RARB: variants seen among roughly 807,000 people sequenced by gnomAD.
RARB encodes retinoic acid receptor beta.
In RARB, 17 loss-of-function variants were observed where a neutral mutation model predicts 51.9. That is an observed-to-expected ratio of 0.33 (90% CI 0.22 to 0.49). RARB has a LOEUF of 0.49. Among genes scored for constraint, RARB ranks in the 20% least tolerant of loss-of-function variants. The probability of loss-of-function intolerance (pLI) is 0.99; values close to 1 mark genes in which losing one functional copy is unlikely to be tolerated. For missense variants in RARB, 369 were observed against 550.8 expected (o/e 0.67, Z 3.30); for synonymous variants, 215 against 195.4 (o/e 1.10, Z -0.84).
At chr3:25,187,335 G>A (rs1701002212) in intron 5 of RARB, among the ~76,000 whole-genome samples, 1 of 152,038 alleles carries the variant, frequency 6.6e-6, no homozygotes, top group South Asian at 2.1e-4. Flanking sequence ...CTAACCTCAA[G>A]ATAACAGGTA....
At chr3:25,073,030 C>T (rs1006271795) in intron 3 of RARB, among the ~76,000 whole-genome samples, 1 of 151,940 alleles carries the variant, frequency 6.6e-6, no homozygotes, top group East Asian at 1.9e-4. Flanking sequence ...CCTTTTTTTC[C>T]TGCCATTTGA....
chr3:25,506,276 A>AC (rs145674745), intron 3 of RARB, among the ~76,000 whole-genome samples: 2,715 of 127,698 alleles, frequency 0.021, 76 homozygotes, highest in East Asian at 0.041. Flanking sequence ...AAAAAAAAAA[A>AC]CCAGCTCTTT....
chr3:24,908,905 G>A (rs980896253), intron 2 of RARB, among the ~76,000 whole-genome samples: 3 of 151,938 alleles, frequency 2.0e-5, no homozygotes, highest in Middle Eastern at 3.4e-3. Flanking sequence ...ACATCCTTCA[G>A]CTATCCATAT....
At chr3:24,980,596 C>T (rs1696638045) in intron 2 of RARB, among the ~76,000 whole-genome samples, 1 of 152,144 alleles carries the variant, frequency 6.6e-6, no homozygotes, top group Admixed American at 6.5e-5. Context: ...AGTTCTCATA[C>T]TGTGGTTTTC....
chr3:24,856,079 AG>A (rs1702630361), intron 1 of RARB, among the ~76,000 whole-genome samples: 1 of 152,074 alleles, frequency 6.6e-6, no homozygotes, highest in African/African-American at 2.4e-5. Flanking sequence ...AAGTTTTCCT[AG>A]GTGACTCTTG....
intron 2 of RARB, among the ~76,000 whole-genome samples, chr3:25,475,370 C>T (rs1471430672): frequency 2.0e-5 from 3 of 150,984 alleles, no homozygotes; most frequent in African/African-American, 7.3e-5. Context: ...TGTATTATAT[C>T]GGGGTGGATA....
intron 5 of RARB, among the ~76,000 whole-genome samples, chr3:25,349,749 T>G (rs73156038): frequency 0.039 from 5,873 of 152,262 alleles, 413 homozygotes; most frequent in African/African-American, 0.13. Context: ...GTCATTTTTT[T>G]TCAATAATTA....
intron 3 of RARB, among the ~76,000 whole-genome samples, chr3:25,521,096 G>A (rs1279369202): frequency 6.6e-6 from 1 of 152,168 alleles, no homozygotes; most frequent in African/African-American, 2.4e-5. Flanking sequence ...TTAACTCAGA[G>A]CCTTCAGAGC....
intron 5 of RARB, among the ~76,000 whole-genome samples, chr3:25,196,947 T>G (rs1335702283): frequency 6.6e-6 from 1 of 152,008 alleles, no homozygotes; most frequent in East Asian, 1.9e-4. Flanking sequence ...GTTTAAGTTC[T>G]TTGTAGATTC....
chr3:24,902,015 TACATATATA>T (rs1246016133), intron 2 of RARB, among the ~76,000 whole-genome samples: 5 of 151,258 alleles, frequency 3.3e-5, no homozygotes, highest in South Asian at 2.1e-4. Flanking sequence ...ATATATAACA[TACATATATA>T]ACATATATGA....
At chr3:25,125,231 A>T (rs933304577) in intron 3 of RARB, among the ~76,000 whole-genome samples, 1 of 152,218 alleles carries the variant, frequency 6.6e-6, no homozygotes, top group Non-Finnish European at 1.5e-5. Context: ...AGGGCATCTG[A>T]AATAAGAAGG....
At chr3:25,094,659 G>A (rs1282276252) in intron 3 of RARB, among the ~76,000 whole-genome samples, 1 of 128,726 alleles carries the variant, frequency 7.8e-6, no homozygotes, top group African/African-American at 3.0e-5. Context: ...AGAGGGTGCA[G>A]TGAATCAAGA....
intron 2 of RARB, among the ~76,000 whole-genome samples, chr3:24,993,141 A>G (rs142209600): frequency 2.0e-5 from 3 of 152,292 alleles, no homozygotes; most frequent in African/African-American, 7.2e-5. Flanking sequence ...TTTTCTTTAT[A>G]TAGGGAATAC....
chr3:25,029,382 G>C (rs1697822985), intron 2 of RARB, among the ~76,000 whole-genome samples: 1 of 152,170 alleles, frequency 6.6e-6, no homozygotes, highest in Admixed American at 6.5e-5. Flanking sequence ...TACCATAAAA[G>C]ACAAACTCCA....
At chr3:25,055,135 A>G (rs940178238) in intron 2 of RARB, among the ~76,000 whole-genome samples, 68 of 152,306 alleles carry the variant, frequency 4.5e-4, no homozygotes, top group African/African-American at 1.6e-3. Flanking sequence ...GTAACAAATT[A>G]AAAGCCAAAG....
chr3:25,580,263 A>G (rs1701115484), intron 4 of RARB, among the ~76,000 whole-genome samples: 1 of 152,198 alleles, frequency 6.6e-6, no homozygotes, highest in South Asian at 2.1e-4. Context: ...AATCCCAGCT[A>G]CTTGGGAAGC....
chr3:25,442,019 A>C (rs1349138756), intron 1 of RARB, among the ~76,000 whole-genome samples: 1 of 152,204 alleles, frequency 6.6e-6, no homozygotes, highest in African/African-American at 2.4e-5. Context: ...CTATAATTCT[A>C]CATTGTCTAA....
chr3:25,563,917 A>G (rs1700373645), intron 3 of RARB, among the ~76,000 whole-genome samples: 1 of 150,232 alleles, frequency 6.7e-6, no homozygotes, highest in African/African-American at 2.4e-5. Flanking sequence ...AGAGAACTTT[A>G]TGGACAAAAA....
chr3:25,005,803 A>G (rs1697259182), intron 2 of RARB, among the ~76,000 whole-genome samples: 1 of 152,142 alleles, frequency 6.6e-6, no homozygotes, highest in African/African-American at 2.4e-5. Flanking sequence ...AAACTTTGAT[A>G]TGCAAGTCAG....
Sources: gnomAD v4.1 joint callset for allele counts (sites outside exome capture counted in the v4.1 genomes callset) on GRCh38, gnomAD v4.1.1 for gene constraint, MANE v1.5 for transcripts, NCBI Gene and HGNC (gene_info 2026-07-23, HGNC 2026-07-21) for gene names.